The following SCARA3 variants were observed in gnomAD, a reference collection of about 807,000 sequenced individuals.
SCARA3 encodes the protein scavenger receptor class A member 3, also known as cellular stress response gene protein.
SCARA3 carries 39 observed loss-of-function variants against 47.0 expected under a neutral mutation model. That is an observed-to-expected ratio of 0.83 (90% CI 0.64 to 1.08). The LOEUF (loss-of-function observed/expected upper bound fraction) is 1.08, where lower values mean the gene tolerates loss of function less well. Among genes scored for constraint, SCARA3 ranks in the 50% least tolerant of loss-of-function variants. The pLI, the probability that SCARA3 is intolerant of heterozygous loss-of-function variation, is 0.00. For synonymous variants in SCARA3, 356 were observed against 334.1 expected (o/e 1.07, Z -0.71); for missense variants, 724 against 792.3 (o/e 0.91, Z 1.04).
At chr8:27,719,177 A>G in the SCARA3 span, among the ~76,000 whole-genome samples, 2 of 152,182 alleles carry the variant, frequency 1.3e-5, no homozygotes, top group Non-Finnish European at 2.9e-5. Flanking sequence ...GAATGAAGGT[A>G]AGAATGGAAT....
chr8:27,644,523 C>A (rs1314332905), intron 1 of SCARA3, among the ~76,000 whole-genome samples: 1 of 151,984 alleles, frequency 6.6e-6, no homozygotes, highest in Non-Finnish European at 1.5e-5. Context: ...TTTTTAGGTC[C>A]CAGCATCACC....
intron 1 of SCARA3, among the ~76,000 whole-genome samples, chr8:27,649,484 G>A (rs921253258): frequency 6.6e-6 from 1 of 152,226 alleles, no homozygotes; most frequent in African/African-American, 2.4e-5. Context: ...TGTGGAAAAT[G>A]GGGAGCTCTC....
chr8:27,636,617 CCT>C (rs1200803209), intron 1 of SCARA3, among the ~76,000 whole-genome samples: 1 of 152,174 alleles, frequency 6.6e-6, no homozygotes, highest in Non-Finnish European at 1.5e-5. Context: ...CCAAGCCCTG[CCT>C]CTCTCCTCCT....
the SCARA3 span, among the ~76,000 whole-genome samples, chr8:27,684,664 C>CA: frequency 0.24 from 33,285 of 141,344 alleles, 3,920 homozygotes; most frequent in East Asian, 0.4. Flanking sequence ...AAGGCTGTGT[C>CA]AAAAAAAAAA....
At chr8:27,729,002 C>T in the SCARA3 span, among the ~76,000 whole-genome samples, 3 of 152,118 alleles carry the variant, frequency 2.0e-5, no homozygotes, top group African/African-American at 7.2e-5. Context: ...AAGGTTGAGG[C>T]TGCAGTGAGC....
At chr8:27,729,334 C>G in the SCARA3 span, among the ~76,000 whole-genome samples, 1 of 152,208 alleles carries the variant, frequency 6.6e-6, no homozygotes, top group African/African-American at 2.4e-5. Context: ...CTCATCCCAG[C>G]CCCCACAGCT....
the SCARA3 span, among the ~76,000 whole-genome samples, chr8:27,707,346 G>C: frequency 6.6e-6 from 1 of 152,074 alleles, no homozygotes; most frequent in African/African-American, 2.4e-5. Flanking sequence ...ATCAACTTTT[G>C]TAGTTTCTCA....
intron 5 of SCARA3, among the ~76,000 whole-genome samples, chr8:27,665,084 C>T (rs910859514): frequency 3.9e-5 from 6 of 152,268 alleles, no homozygotes; most frequent in East Asian, 1.9e-4. Flanking sequence ...CGGAACTGAG[C>T]GGCTATCTGG....
chr8:27,720,885 C>T, the SCARA3 span, among the ~76,000 whole-genome samples: 1 of 152,024 alleles, frequency 6.6e-6, no homozygotes, highest in Non-Finnish European at 1.5e-5. Context: ...TCCATTCACC[C>T]ACTCAGTCAT....
the SCARA3 span, among the ~76,000 whole-genome samples, chr8:27,719,548 A>G: frequency 2.6e-5 from 4 of 152,166 alleles, no homozygotes; most frequent in African/African-American, 4.8e-5. Flanking sequence ...AAAAAAAAAA[A>G]AAAAGGAATG....
chr8:27,681,168 T>C (rs1175224686), downstream of SCARA3, among the ~76,000 whole-genome samples: 1 of 152,120 alleles, frequency 6.6e-6, no homozygotes, highest in South Asian at 2.1e-4. Flanking sequence ...AAAGTAAAGA[T>C]AACTTATAAA....
At chr8:27,673,087 G>A (rs1351096614), downstream of SCARA3, 2 of 771,856 alleles carry the variant, frequency 2.6e-6, no homozygotes, top group Middle Eastern at 6.7e-4. Context: ...ACTCCAGGTG[G>A]GCCTCTGAAG....
intron 3 of SCARA3, among the ~76,000 whole-genome samples, chr8:27,651,979 G>A (rs1041355282): frequency 3.3e-5 from 5 of 152,172 alleles, no homozygotes; most frequent in African/African-American, 7.2e-5. Flanking sequence ...GAATTAATTC[G>A]GTATCTTTCA....
chr8:27,665,786 T>C (rs1460114498), intron 5 of SCARA3, among the ~76,000 whole-genome samples: 1 of 152,218 alleles, frequency 6.6e-6, no homozygotes, highest in African/African-American at 2.4e-5. Context: ...CAAGTTCTTG[T>C]AAAATATGAA....
chr8:27,677,666 A>C (rs1158912929), downstream of SCARA3, among the ~76,000 whole-genome samples: 1 of 152,220 alleles, frequency 6.6e-6, no homozygotes, highest in Non-Finnish European at 1.5e-5. Context: ...ATCAGTAAGG[A>C]TATAGAAGAC....
At chr8:27,636,306 A>C (rs1801248560) in intron 1 of SCARA3, among the ~76,000 whole-genome samples, 1 of 152,206 alleles carries the variant, frequency 6.6e-6, no homozygotes, top group Non-Finnish European at 1.5e-5. Flanking sequence ...GTGTGGTGGC[A>C]GATACCTGTA....
chr8:27,671,253 C>T lies in SCARA3; in HGVS notation c.1723C>T (p.Gln575Ter), dbSNP rs1235621793. 6.7e-6 allele frequency: 10 copies of T among 1,488,808 alleles called. No individual in the cohort carries two copies. Among genetic ancestry groups the T allele is most frequent in the Non-Finnish European group, 8.9e-6 (10 of 1,123,850 alleles). The allele number at this position is 1,488,808 out of a possible 1,614,324, so 92.2% of individuals were successfully genotyped here. A position where few individuals can be genotyped will look rare whatever the true frequency, so the allele number is the denominator to read the frequency against. The change falls in exon 6 of 6, where the codon CAG becomes TAG. Residue 575 changes from glutamine to a stop codon, truncating the protein, a stop_gained. Transcript: ENST00000301904. LOFTEE classifies it high-confidence loss of function. ...GIAGKTGSPG[Q>*]RGAMGPKGEP... is the part of the protein sequence containing the mutation. ...TGCAGGGAAGACAGGGTCACCAGGC[C>T]AGCGGGGGGCCATGGGGCCTAAGGG...
chr8:27,678,595 G>A (rs1269305455), downstream of SCARA3, among the ~76,000 whole-genome samples: 1 of 152,108 alleles, frequency 6.6e-6, no homozygotes, highest in Non-Finnish European at 1.5e-5. Flanking sequence ...GATGAATTCT[G>A]CCAAACATTT....
the SCARA3 span, among the ~76,000 whole-genome samples, chr8:27,724,299 T>G: frequency 3.9e-5 from 6 of 152,206 alleles, no homozygotes; most frequent in African/African-American, 1.4e-4. Flanking sequence ...AAAGCAAGGT[T>G]GTTTTTTGAC....
Sources: allele counts gnomAD v4.1 joint callset (sites outside exome capture counted in the v4.1 genomes callset), GRCh38; gene constraint gnomAD v4.1.1; transcripts MANE v1.5; gene names NCBI Gene and HGNC (gene_info 2026-07-23, HGNC 2026-07-21).